STXBP4: variants seen among roughly 807,000 people sequenced by gnomAD.
STXBP4 encodes syntaxin binding protein 4, also known as syntaxin-binding protein 4.
In STXBP4, 55 loss-of-function variants were observed where a neutral mutation model predicts 76.1. The ratio of observed to expected loss-of-function variants is 0.72; its 90% CI spans 0.58 to 0.91. STXBP4 has a LOEUF of 0.91. STXBP4 is among the 40% of genes least tolerant of loss of function. STXBP4 has a pLI of 0.00. For missense variants in STXBP4, 618 were observed against 636.9 expected, an observed-to-expected ratio of 0.97 and a Z score of 0.32; for synonymous variants, 201 against 220.2, an observed-to-expected ratio of 0.91 and a Z score of 0.77.
At chr17:55,032,188 A>AT (rs952828768) in intron 9 of STXBP4, among the ~76,000 whole-genome samples, 7 of 152,052 alleles carry the variant, frequency 4.6e-5, no homozygotes, top group African/African-American at 1.7e-4. Flanking sequence ...CTATTAAGTA[A>AT]TTTTTTTCTT....
At chr17:55,181,249 G>A in the STXBP4 span, among the ~76,000 whole-genome samples, 1 of 152,144 alleles carries the variant, frequency 6.6e-6, no homozygotes, top group South Asian at 2.1e-4. Flanking sequence ...ATTTGAAAAA[G>A]TCCTCATGCT....
At chr17:55,072,360 C>T (rs972526807) in intron 12 of STXBP4, among the ~76,000 whole-genome samples, 19 of 152,128 alleles carry the variant, frequency 1.2e-4, no homozygotes, top group Admixed American at 6.6e-5. Context: ...TTCAACAACA[C>T]GATTATGTAC....
chr17:55,023,100 C>T lies in STXBP4; in HGVS notation c.667-8068C>T, dbSNP rs186147962. 3.3e-3 allele frequency among the ~76,000 whole-genome samples: 504 copies of T among 152,268 alleles called. 2 individuals are homozygous for T. Among genetic ancestry groups the T allele is most frequent in the African/African-American group, 0.011 (469 of 41,558 alleles). The stretch of plus-strand genomic sequence containing the variant: ...TGTTTAACTTGGAGTTTATGAGCCC[C>T]AGAAATTCTAGATTAAAATTTGCAT... On this transcript the variant is annotated intron_variant, in intron 8 of 17. Coordinates refer to ENST00000376352, the MANE Select transcript of STXBP4 (RefSeq NM_178509.6).
chr17:55,106,706 T>G (rs1179808231), intron 16 of STXBP4, among the ~76,000 whole-genome samples: 1 of 152,214 alleles, frequency 6.6e-6, no homozygotes, highest in Admixed American at 6.5e-5. Flanking sequence ...ATTTTATTTC[T>G]TCTTCACTTA....
At chr17:55,193,288 G>A in the STXBP4 span, among the ~76,000 whole-genome samples, 6 of 152,226 alleles carry the variant, frequency 3.9e-5, no homozygotes, top group South Asian at 2.1e-4. Context: ...AGACAACCAC[G>A]TTAGATGAAA....
intron 6 of STXBP4, chr17:55,000,213 T>C: frequency 1.0e-6 from 1 of 985,384 alleles, no homozygotes; most frequent in Non-Finnish European, 1.2e-6. Context: ...TTTTGTTCCT[T>C]AGCTTCTTTC....
chr17:55,133,387 G>A (rs896837856), intron 16 of STXBP4, among the ~76,000 whole-genome samples: 1 of 152,122 alleles, frequency 6.6e-6, no homozygotes, highest in Non-Finnish European at 1.5e-5. Flanking sequence ...CAGTTTAAAA[G>A]TGATACAATG....
At chr17:55,076,482 G>A (rs1007163754) in intron 13 of STXBP4, among the ~76,000 whole-genome samples, 5 of 152,000 alleles carry the variant, frequency 3.3e-5, no homozygotes, top group East Asian at 3.9e-4. Flanking sequence ...TGTTAAGTTG[G>A]CATTTAATAT....
chr17:55,205,988 T>C, the STXBP4 span, among the ~76,000 whole-genome samples: 1 of 152,068 alleles, frequency 6.6e-6, no homozygotes, highest in South Asian at 2.1e-4. Context: ...TAATTAAATA[T>C]TCGTGAATAT....
intron 16 of STXBP4, among the ~76,000 whole-genome samples, chr17:55,130,588 C>T (rs560438268): frequency 5.3e-5 from 8 of 152,272 alleles, no homozygotes; most frequent in Middle Eastern, 3.4e-3. Context: ...TTATTAATGA[C>T]GGTCACCATG....
At chr17:55,204,676 A>G in the STXBP4 span, among the ~76,000 whole-genome samples, 1 of 152,088 alleles carries the variant, frequency 6.6e-6, no homozygotes, top group East Asian at 1.9e-4. Context: ...CTATATGAAT[A>G]AAAAAGAAAA....
At chr17:54,971,556 C>T (rs1015310844) in intron 1 of STXBP4, among the ~76,000 whole-genome samples, 1 of 152,154 alleles carries the variant, frequency 6.6e-6, no homozygotes, top group Non-Finnish European at 1.5e-5. Flanking sequence ...CCAAATACAG[C>T]TACATTGAGG....
chr17:55,119,218 C>T (rs2145083706), intron 16 of STXBP4, among the ~76,000 whole-genome samples: 1 of 151,984 alleles, frequency 6.6e-6, no homozygotes, highest in Non-Finnish European at 1.5e-5. Context: ...TAAACTGCTA[C>T]CAGTTAAAAA....
At chr17:55,199,405 A>G in the STXBP4 span, among the ~76,000 whole-genome samples, 2 of 152,368 alleles carry the variant, frequency 1.3e-5, no homozygotes, top group East Asian at 3.9e-4. Context: ...AGTTAAGTTC[A>G]AAGAATTTTG....
In STXBP4 at chr17:55,160,482, A is replaced by G. The variant is rs244305; in HGVS notation, c.*571A>G. ...GACCCCATTGTCTTTAAACCATACA[A>G]CATGCCCGTGAAGCTGATCTGGTGG... On this transcript the variant is annotated 3_prime_UTR_variant, in exon 18 of 18. Coordinates refer to ENST00000376352, the MANE Select transcript of STXBP4 (RefSeq NM_178509.6). 0.65 allele frequency: 98,855 copies of G among 152,390 alleles called. 33,116 individuals are homozygous for G. The highest frequency in any genetic ancestry group is 0.82 in the African/African-American group (33,893 of 41,456). 9.4% of individuals were successfully genotyped at this position (152,390 alleles called of 1,614,324 possible).
At chr17:55,020,430 G>C (rs2078289182) in intron 8 of STXBP4, among the ~76,000 whole-genome samples, 1 of 148,364 alleles carries the variant, frequency 6.7e-6, no homozygotes, top group African/African-American at 2.4e-5. Context: ...AGTAGCTGCA[G>C]TCTTTGGCTG....
chr17:55,120,591 A>G (rs1016734392), intron 16 of STXBP4, among the ~76,000 whole-genome samples: 2 of 152,226 alleles, frequency 1.3e-5, no homozygotes, highest in African/African-American at 4.8e-5. Flanking sequence ...CTCCAAGTTT[A>G]CCATCATTAC....
intron 16 of STXBP4, among the ~76,000 whole-genome samples, chr17:55,104,046 TA>T (rs2079598577): frequency 6.6e-6 from 1 of 152,222 alleles, no homozygotes; most frequent in African/African-American, 2.4e-5. Context: ...TGGGGTTTTC[TA>T]AATATACAAT....
intron 17 of STXBP4, among the ~76,000 whole-genome samples, chr17:55,150,784 A>G (rs534642310): frequency 6.6e-6 from 1 of 152,272 alleles, no homozygotes; most frequent in East Asian, 1.9e-4. Flanking sequence ...GGCCCTCAAA[A>G]ATGTTCACAT....
Sources: gnomAD v4.1 joint callset for allele counts (sites outside exome capture counted in the v4.1 genomes callset) on GRCh38, gnomAD v4.1.1 for gene constraint, MANE v1.5 for transcripts, NCBI Gene and HGNC (gene_info 2026-07-23, HGNC 2026-07-21) for gene names.